Variants in WWOX observed in about 807,000 individuals in gnomAD.
WWOX encodes WW domain-containing oxidoreductase.
Under a neutral mutation model 46.2 loss-of-function variants are expected in WWOX, and 69 were observed. The ratio of observed to expected loss-of-function variants is 1.49; its 90% CI spans 1.23 to 1.82. The LOEUF (loss-of-function observed/expected upper bound fraction) is 1.82, where lower values mean the gene tolerates loss of function less well. Among genes scored for constraint, WWOX ranks in the 40% most tolerant of loss-of-function variants. The pLI, the probability that WWOX is intolerant of heterozygous loss-of-function variation, is 0.00. For missense variants in WWOX, 919 were observed against 542.6 expected (o/e 1.69, Z -6.89); for synonymous variants, 359 against 202.6 (o/e 1.77, Z -6.56).
In WWOX at chr16:78,413,278, C is replaced by A. The variant is rs527398560; in HGVS notation, c.606-11592C>A. 4.6e-5 allele frequency among the ~76,000 whole-genome samples: 7 copies of A among 152,064 alleles called. No homozygotes were observed. In the East Asian group the frequency reaches 5.8e-4, roughly 13 times the overall value. ...TGATCTGGGAGTGCTGATTGTCTCA[C>A]GTGTCCATGTGAAGAGACCACCAAA... On this transcript the variant is annotated intron_variant, in intron 6 of 8. Transcript: ENST00000566780.
At chr16:78,582,853 C>T (rs1178459892) in intron 8 of WWOX, among the ~76,000 whole-genome samples, 1 of 152,114 alleles carries the variant, frequency 6.6e-6, no homozygotes, top group Admixed American at 6.5e-5. Flanking sequence ...TTACAAGAGG[C>T]CCTTCTAGTG....
At chr16:78,730,701 A>G (rs7188881) in intron 8 of WWOX, among the ~76,000 whole-genome samples, 2 of 149,724 alleles carry the variant, frequency 1.3e-5, no homozygotes, top group Non-Finnish European at 2.9e-5. Flanking sequence ...CTCAAGCGAT[A>G]CTCCCTCCTT....
chr16:78,541,240 C>T (rs558119734), intron 8 of WWOX, among the ~76,000 whole-genome samples: 69 of 151,570 alleles, frequency 4.6e-4, no homozygotes, highest in African/African-American at 1.0e-3. Context: ...TCTGGGAGGC[C>T]GAGGCGGGCG....
At chr16:79,194,632 C>T (rs2051202461) in intron 8 of WWOX, among the ~76,000 whole-genome samples, 1 of 152,166 alleles carries the variant, frequency 6.6e-6, no homozygotes, top group South Asian at 2.1e-4. Context: ...AGTTCCCAGG[C>T]TCCCCTTGTG....
intron 8 of WWOX, among the ~76,000 whole-genome samples, chr16:78,600,206 G>A (rs533242098): frequency 7.9e-5 from 12 of 152,050 alleles, no homozygotes; most frequent in South Asian, 2.1e-4. Flanking sequence ...ACGTTCCACC[G>A]GGGCCCTCCC....
At chr16:78,977,973 C>T (rs1184121446) in intron 8 of WWOX, among the ~76,000 whole-genome samples, 2 of 50,342 alleles carry the variant, frequency 4.0e-5, no homozygotes, top group Admixed American at 2.6e-4. Flanking sequence ...TGTGTAAATA[C>T]CGCATCTATT....
chr16:78,114,969 T>C lies in WWOX; in HGVS notation c.231-7T>C, dbSNP rs759172137. 2.5e-6 allele frequency: 4 copies of C among 1,614,172 alleles called. No homozygotes were observed. The East Asian group carries it at 6.7e-5, about 27-fold the overall frequency. ...GCTGTGGGTTCACTGCTTTCTCTTTTGGGCAGCCATATAAATAAAAGAACC... is the reference window on the plus strand; with the variant it reads ...GCTGTGGGTTCACTGCTTTCTCTTTCGGGCAGCCATATAAATAAAAGAACC... On this transcript the variant is annotated splice_polypyrimidine_tract_variant and splice_region_variant and intron_variant, in intron 3 of 8. Transcript: ENST00000566780.
intron 6 of WWOX, among the ~76,000 whole-genome samples, chr16:78,413,778 G>A (rs115245649): frequency 0.029 from 4,378 of 152,060 alleles, 202 homozygotes; most frequent in African/African-American, 0.099. Flanking sequence ...TCCTGGGTGG[G>A]GGCCAAAGGA....
At chr16:78,643,039 T>C (rs1457633209) in intron 8 of WWOX, among the ~76,000 whole-genome samples, 1 of 152,276 alleles carries the variant, frequency 6.6e-6, no homozygotes, top group Admixed American at 6.5e-5. Context: ...ATGTTAGTGC[T>C]ACTATTATCC....
intron 8 of WWOX, among the ~76,000 whole-genome samples, chr16:78,681,275 T>C (rs758127831): frequency 6.6e-6 from 1 of 151,898 alleles, no homozygotes; most frequent in Non-Finnish European, 1.5e-5. Context: ...CGTGGTGGCA[T>C]GTGCCTATGG....
chr16:79,210,505 G>A (rs1597485667), intron 8 of WWOX, among the ~76,000 whole-genome samples: 1 of 152,168 alleles, frequency 6.6e-6, no homozygotes, highest in African/African-American at 2.4e-5. Flanking sequence ...AAGTTCCTTA[G>A]TGTTTTCCTT....
chr16:78,099,750 A>AG lies in WWOX; in HGVS notation c.-23dup, dbSNP rs1327203532. 5 of 1,521,686 alleles carry AG rather than the reference A, an allele frequency of 3.3e-6. No homozygotes were observed. Among genetic ancestry groups the AG allele is most frequent in the Middle Eastern group, 2.1e-4 (1 of 4,674 alleles). 94.3% of individuals were successfully genotyped at this position (1,521,686 alleles called of 1,614,324 possible). A position where few individuals can be genotyped will look rare whatever the true frequency, so the allele number is the denominator to read the frequency against. ...GCGAGTGGACCCGGCAGCGGGCGAT[A>AG]GGGGGGCCAGGTGCCTCCACAGTCA... is the stretch of plus-strand genomic sequence containing the variant. On this transcript the variant is annotated 5_prime_UTR_variant, in exon 1 of 9. Transcript: ENST00000566780.
At chr16:78,641,318 C>T (rs1286781519) in intron 8 of WWOX, among the ~76,000 whole-genome samples, 2 of 152,010 alleles carry the variant, frequency 1.3e-5, no homozygotes, top group Admixed American at 6.6e-5. Context: ...AGGACCCATC[C>T]TGGAGAGAAA....
intron 6 of WWOX, among the ~76,000 whole-genome samples, chr16:78,404,845 G>A (rs1351770979): frequency 1.3e-5 from 2 of 152,178 alleles, no homozygotes; most frequent in Admixed American, 1.3e-4. Context: ...GGGCAGTAAA[G>A]TGCTGAATGC....
At chr16:78,977,823 C>T (rs960176283) in intron 8 of WWOX, among the ~76,000 whole-genome samples, 8 of 152,158 alleles carry the variant, frequency 5.3e-5, no homozygotes, top group Non-Finnish European at 8.8e-5. Flanking sequence ...ATCTGGGAAG[C>T]AGCAGACACA....
At chr16:78,488,150 C>G (rs1481522162) in intron 8 of WWOX, among the ~76,000 whole-genome samples, 2 of 152,148 alleles carry the variant, frequency 1.3e-5, no homozygotes, top group African/African-American at 4.8e-5. Flanking sequence ...TTGAAAGGTT[C>G]CTGCTACCTT....
At chr16:78,963,760 C>G (rs1360558272) in intron 8 of WWOX, among the ~76,000 whole-genome samples, 1 of 152,160 alleles carries the variant, frequency 6.6e-6, no homozygotes, top group Non-Finnish European at 1.5e-5. Context: ...GAAAGTGGGC[C>G]TTAAAGGTGC....
At chr16:78,527,231 A>G (rs753708971) in intron 8 of WWOX, among the ~76,000 whole-genome samples, 11 of 152,094 alleles carry the variant, frequency 7.2e-5, no homozygotes, top group Non-Finnish European at 1.2e-4. Context: ...CTTTGAATCA[A>G]TTCTTCTAAG....
intron 8 of WWOX, among the ~76,000 whole-genome samples, chr16:78,855,559 C>G (rs1033802622): frequency 2.6e-5 from 4 of 152,170 alleles, no homozygotes; most frequent in African/African-American, 9.7e-5. Context: ...TCCCCAAGCA[C>G]TTTGATGATG....
Sources: allele counts gnomAD v4.1 joint callset (sites outside exome capture counted in the v4.1 genomes callset), GRCh38; gene constraint gnomAD v4.1.1; transcripts MANE v1.5; gene names NCBI Gene and HGNC (gene_info 2026-07-23, HGNC 2026-07-21).